SCAF11: variants seen among roughly 807,000 people sequenced by gnomAD.
SCAF11 encodes the protein SR-related CTD associated factor 11.
A neutral mutation model predicts 140.5 loss-of-function variants in SCAF11; 47 were observed. The observed-to-expected ratio is 0.33, with a 90% CI of 0.26 to 0.43. The LOEUF is 0.43. SCAF11 is among the 20% of genes least tolerant of loss of function. SCAF11 has a pLI of 1.00. For synonymous variants in SCAF11, 557 were observed against 579.4 expected (o/e 0.96, Z 0.55); for missense variants, 1,645 against 1,705.1 (o/e 0.96, Z 0.62).
chr12:45,942,025 T>C (rs748541164), intron 6 of SCAF11, among the ~76,000 whole-genome samples: 2 of 152,208 alleles, frequency 1.3e-5, no homozygotes, highest in Admixed American at 1.3e-4. Context: ...AGTAAATGTA[T>C]TTTCTCATCC....
At chr12:45,985,989 C>G (rs1043462712) in intron 1 of SCAF11, among the ~76,000 whole-genome samples, 6 of 152,094 alleles carry the variant, frequency 3.9e-5, no homozygotes, top group African/African-American at 1.4e-4. Flanking sequence ...CCCCACTCAC[C>G]CTCTACTTCT....
intron 12 of SCAF11, 47 bp downstream of exon 12, chr12:45,924,681 T>A: frequency 6.9e-7 from 1 of 1,456,122 alleles, no homozygotes; most frequent in Non-Finnish European, 9.4e-7. Context: ...AACAGCTAAA[T>A]GTTTACAATG....
chr12:45,979,358 A>T (rs1380828358), intron 1 of SCAF11, among the ~76,000 whole-genome samples: 2 of 151,984 alleles, frequency 1.3e-5, no homozygotes, highest in African/African-American at 4.8e-5. Flanking sequence ...AAAATAAATG[A>T]CCACATAAAA....
rs142354608 is a variant in SCAF11 at position 45,980,860 on chromosome 12, G to A, written c.-22+9493C>T. Among the ~76,000 whole-genome samples the A allele has an allele frequency of 1.4e-4, 21 of 152,158 alleles. No homozygotes were observed. In the East Asian group the frequency reaches 3.7e-3, roughly 27 times the overall value. On this transcript the variant is annotated intron_variant, in intron 1 of 14. Coordinates refer to ENST00000369367, the MANE Select transcript of SCAF11 (RefSeq NM_004719.3). ...CTCCACCAGGTTCCAAAATACCTGT[G>A]TTTGGGAGGAGTGTTCCTCCTCCCA...
rs77037623 is a variant in SCAF11, at chr12:45,931,673, A to G, written c.735-61T>C. The G allele has an allele frequency of 5.2e-4, 444 of 850,062 alleles. 1 individual carries two copies. The African/African-American group carries it at 7.1e-3, about 14-fold the overall frequency. 52.7% of individuals were successfully genotyped at this position (850,062 alleles called of 1,614,324 possible). ...TTTAAAAAATTAAACCACCAATTTA[A>G]AAGTATTAATTCTCTAAATCAGGTT... is the stretch of plus-strand genomic sequence containing the variant. On this transcript the variant is annotated intron_variant, in intron 9 of 14. Coordinates refer to ENST00000369367, the MANE Select transcript of SCAF11 (RefSeq NM_004719.3).
chr12:45,927,153 A>G lies in SCAF11; in HGVS notation c.2548T>C (p.Ser850Pro), dbSNP rs763834085. ...ARGRKKSRSQ[S>P]PKKDIARERR... ...TCTCTTGCAATATCCTTTTTTGGGGACTGAGAACGGGATTTTTTCCGGCCT... is the reference window on the plus strand; with the variant it reads ...TCTCTTGCAATATCCTTTTTTGGGGGCTGAGAACGGGATTTTTTCCGGCCT... The change falls in exon 11 of 15, where the codon TCC becomes CCC. Residue 850 changes from serine to proline, a missense_variant. Ser to Pro is a moderately conservative substitution (Grantham distance 74). Transcript: ENST00000369367. The G allele has an allele frequency of 6.2e-7, 1 of 1,613,798 alleles. No homozygotes were observed.
At chr12:45,951,801 T>C (rs761021254) in intron 3 of SCAF11, 74 bp from the exon 4 acceptor site, 3 of 958,654 alleles carry the variant, frequency 3.1e-6, no homozygotes, top group Non-Finnish European at 4.7e-6. Flanking sequence ...ATTATAAATT[T>C]TCCATAAAAT....
intron 6 of SCAF11, among the ~76,000 whole-genome samples, chr12:45,938,743 G>A (rs957321981): frequency 7.3e-5 from 11 of 150,862 alleles, no homozygotes; most frequent in African/African-American, 2.2e-4. Context: ...AAGGCTCTGA[G>A]CTTAGAACCC....
chr12:45,945,210 A>C lies in SCAF11; in HGVS notation c.463+39T>G, dbSNP rs1945392092. Reference sequence around the variant, plus strand: ...CACAACCATTAAATTAAAAAACAACAAAAAAAAAGGTAGAATCCACAAGCA... The same window carrying C: ...CACAACCATTAAATTAAAAAACAACCAAAAAAAAGGTAGAATCCACAAGCA... On this transcript the variant is annotated intron_variant, in intron 6 of 14. Transcript: ENST00000369367. 9 of 1,123,384 alleles carry C rather than the reference A, an allele frequency of 8.0e-6. No homozygotes were observed. The South Asian group carries it at 1.3e-4, about 16-fold the overall frequency. 69.6% of individuals were successfully genotyped at this position (1,123,384 alleles called of 1,614,324 possible).
At chr12:45,945,090 G>T in intron 6 of SCAF11, 159 bp downstream of exon 6, 1 of 597,346 alleles carries the variant, frequency 1.7e-6, no homozygotes. Flanking sequence ...AGTATAAATT[G>T]CTCCATGAAA....
At chr12:45,931,459 C>T (rs1945043289) in intron 10 of SCAF11, 47 bp downstream of exon 10, 6 of 997,708 alleles carry the variant, frequency 6.0e-6, no homozygotes, top group Non-Finnish European at 8.3e-6. Flanking sequence ...CTGGAAGAAA[C>T]TAATAATAAT....
intron 6 of SCAF11, among the ~76,000 whole-genome samples, chr12:45,939,212 C>T (rs942191669): frequency 2.0e-5 from 3 of 151,500 alleles, no homozygotes; most frequent in African/African-American, 7.3e-5. Context: ...TCTATTAGAC[C>T]TGCTGAAGTT....
chr12:45,945,135 A>G (rs1945390061), intron 6 of SCAF11, 114 bp downstream of exon 6: 2 of 707,152 alleles, frequency 2.8e-6, no homozygotes, highest in African/African-American at 3.6e-5. Context: ...CAATGTACAG[A>G]GTTCTGAGGA....
At position 45,933,299 on chromosome 12, in the gene SCAF11, G is replaced by A. The variant is rs1945096474; in HGVS notation, c.633-67C>T. The A allele has an allele frequency of 4.5e-6, 5 of 1,104,802 alleles. No individual in the cohort carries two copies. The South Asian group carries it at 6.9e-5, about 15-fold the overall frequency. 68.4% of individuals were successfully genotyped at this position (1,104,802 alleles called of 1,614,324 possible). ...TTAGGTTCAAAAAAACAATTAGGTT[G>A]TACAAAGAATAGCAGTCGTTTTTGT... On this transcript the variant is annotated intron_variant, in intron 8 of 14. Transcript: ENST00000369367.
intron 1 of SCAF11, among the ~76,000 whole-genome samples, chr12:45,989,449 C>A (rs1946538401): frequency 6.6e-6 from 1 of 152,192 alleles, no homozygotes; most frequent in South Asian, 2.1e-4. Flanking sequence ...AGCTGGTAGA[C>A]ACTGTATGTA....
rs1040717097 is a variant in SCAF11 at position 45,928,050 on chromosome 12, G to A, written c.1651C>T (p.Pro551Ser). 1 of 1,613,558 alleles carries A rather than the reference G, an allele frequency of 6.2e-7. No homozygotes were observed. The highest frequency in any genetic ancestry group is 8.5e-7 in the Non-Finnish European group (1 of 1,180,004). ...TTGCTTTCAGATGTTAAACATGTAG[G>A]AAAATCATTTGGAAGATGAACTGTA... ...VCTVHLPNDF[P>S]TCLTSESKVY... The change falls in exon 11 of 15, where the codon CCT (proline) becomes TCT (serine). Residue 551 changes from proline to serine, a missense_variant. This residue lies in a region of SCAF11 where 1,582 missense variants were observed against 1,609.2 expected (regional missense o/e 0.98). Coordinates refer to ENST00000369367, the MANE Select transcript of SCAF11 (RefSeq NM_004719.3).
chr12:45,936,343 T>C (rs543549046), intron 6 of SCAF11, among the ~76,000 whole-genome samples: 2 of 151,994 alleles, frequency 1.3e-5, no homozygotes, highest in East Asian at 1.9e-4. Context: ...GGTTTCACCA[T>C]ATTGGTGAGG....
chr12:45,927,801 A>G lies in SCAF11; in HGVS notation c.1900T>C (p.Leu634=), dbSNP rs766724718. The G allele has an allele frequency of 2.5e-6, 4 of 1,613,716 alleles. No homozygotes were observed. The highest frequency in any genetic ancestry group is 3.4e-6 in the Non-Finnish European group (4 of 1,179,854). The change falls in exon 11 of 15, where the codon TTG becomes CTG. Residue 634 remains leucine (L), a synonymous_variant. Transcript: ENST00000369367. ...TCTTCAGTTTCAACATGCCCAAGCAATTGAACCTCTGGGCTCTTAACAGAT... is the reference window on the plus strand; with the variant it reads ...TCTTCAGTTTCAACATGCCCAAGCAGTTGAACCTCTGGGCTCTTAACAGAT... ...RQSVKSPEVQ[L]LGHVETEDVE...
intron 8 of SCAF11, among the ~76,000 whole-genome samples, chr12:45,933,851 G>C (rs1212407143): frequency 6.6e-6 from 1 of 151,970 alleles, no homozygotes; most frequent in Non-Finnish European, 1.5e-5. Context: ...GCTGTAAAAG[G>C]GTTCTTCTTT....
Sources: allele counts gnomAD v4.1 joint callset (sites outside exome capture counted in the v4.1 genomes callset), GRCh38; gene constraint gnomAD v4.1.1; regional missense constraint gnomAD v4.1.1; transcripts MANE v1.5; gene names NCBI Gene and HGNC (gene_info 2026-07-23, HGNC 2026-07-21).